SRGAP1: variants seen among roughly 807,000 people sequenced by gnomAD.
SRGAP1 encodes the protein SLIT-ROBO Rho GTPase activating protein 1.
A neutral mutation model predicts 121.9 loss-of-function variants in SRGAP1; 43 were observed. The observed-to-expected ratio is 0.35, with a 90% CI of 0.28 to 0.46. The LOEUF (loss-of-function observed/expected upper bound fraction) is 0.46. Among genes scored for constraint, SRGAP1 ranks in the 20% least tolerant of loss-of-function variants. The pLI, the probability that SRGAP1 is intolerant of heterozygous loss-of-function variation, is 1.00. For missense variants in SRGAP1, 1,102 were observed against 1,350.9 expected (o/e 0.82, Z 2.89); for synonymous variants, 447 against 485.4 (o/e 0.92, Z 1.04).
At chr12:64,128,235 T>C in intron 21 of SRGAP1, 35 bp downstream of exon 21, 1 of 1,545,450 alleles carries the variant, frequency 6.5e-7, no homozygotes, top group Non-Finnish European at 8.8e-7. Flanking sequence ...GCATTTTAAG[T>C]ACCTAAGTGT....
At chr12:64,090,093 A>G (rs1186047972) in intron 11 of SRGAP1, among the ~76,000 whole-genome samples, 1 of 152,200 alleles carries the variant, frequency 6.6e-6, no homozygotes, top group African/African-American at 2.4e-5. Flanking sequence ...ACATCCAGAG[A>G]CAGGTCTCAG....
rs531988567 is a variant in SRGAP1, at chr12:64,070,617, T to C, written c.1125+5398T>C. On this transcript the variant is annotated intron_variant, in intron 8 of 21. Transcript: ENST00000355086. The stretch of plus-strand genomic sequence containing the variant: ...GAATGAACAGATAGCTCCACGTAAA[T>C]TTTCCTAGCACCATTTAAAGTCTTT... 6.4e-4 allele frequency among the ~76,000 whole-genome samples: 97 copies of C among 152,320 alleles called. 1 individual carries two copies. Among genetic ancestry groups the C allele is most frequent in the Middle Eastern group, 6.8e-3 (2 of 294 alleles).
At chr12:63,975,685 T>C (rs1248715250) in intron 1 of SRGAP1, among the ~76,000 whole-genome samples, 1 of 152,140 alleles carries the variant, frequency 6.6e-6, no homozygotes, top group African/African-American at 2.4e-5. Flanking sequence ...TCAGTGACAC[T>C]TGCAGCTACA....
At position 63,958,731 on chromosome 12, in the gene SRGAP1, T is replaced by C. The variant is rs551871063; in HGVS notation, c.68-25216T>C. ...CAAGTGTTACTTTGAAAAAACAAAA[T>C]CCCAATGATGAATTGAAATTAAGTC... On this transcript the variant is annotated intron_variant, in intron 1 of 21. Coordinates refer to ENST00000355086, the MANE Select transcript of SRGAP1 (RefSeq NM_020762.4). Among the ~76,000 whole-genome samples the C allele has an allele frequency of 2.0e-5, 3 of 152,210 alleles. No homozygotes were observed. In the South Asian group the frequency reaches 6.2e-4, roughly 32 times the overall value.
At chr12:63,923,172 CT>C (rs1238662054) in intron 1 of SRGAP1, among the ~76,000 whole-genome samples, 1 of 152,200 alleles carries the variant, frequency 6.6e-6, no homozygotes, top group East Asian at 1.9e-4. Flanking sequence ...TTGTAATACC[CT>C]ACCAGCCTTT....
intron 1 of SRGAP1, among the ~76,000 whole-genome samples, chr12:63,923,567 A>G (rs1267182582): frequency 6.6e-6 from 1 of 152,242 alleles, no homozygotes; most frequent in African/African-American, 2.4e-5. Context: ...CTGTCTCTCT[A>G]ATCAAAATTA....
At chr12:63,868,056 ATTTT>A (rs1219689164) in intron 1 of SRGAP1, among the ~76,000 whole-genome samples, 1 of 57,862 alleles carries the variant, frequency 1.7e-5, no homozygotes, top group African/African-American at 5.9e-5. Context: ...ATATATATAT[ATTTT>A]TTTTTTTTTT....
chr12:63,849,753 A>G (rs745728478), intron 1 of SRGAP1, among the ~76,000 whole-genome samples: 1 of 152,114 alleles, frequency 6.6e-6, no homozygotes, highest in Non-Finnish European at 1.5e-5. Flanking sequence ...GACTTTTAAC[A>G]TTTTTTCTCC....
At chr12:64,095,321 T>C in intron 14 of SRGAP1, 117 bp downstream of exon 14, 1 of 792,116 alleles carries the variant, frequency 1.3e-6, no homozygotes, top group South Asian at 1.7e-5. Context: ...TGTACTGCAT[T>C]AGGGGTGCAG....
intron 1 of SRGAP1, among the ~76,000 whole-genome samples, chr12:63,885,436 G>A (rs1180317889): frequency 1.3e-5 from 2 of 152,170 alleles, no homozygotes; most frequent in Admixed American, 6.5e-5. Flanking sequence ...ATGTTCAGCT[G>A]TCCAGAAGCT....
At chr12:63,965,195 C>T (rs990370761) in intron 1 of SRGAP1, among the ~76,000 whole-genome samples, 2 of 152,154 alleles carry the variant, frequency 1.3e-5, no homozygotes, top group African/African-American at 4.8e-5. Flanking sequence ...GGTATTGATG[C>T]TCTGAAAATT....
chr12:63,913,656 G>A (rs2335882), intron 1 of SRGAP1, among the ~76,000 whole-genome samples: 58,779 of 150,616 alleles, frequency 0.39, 11,758 homozygotes, highest in East Asian at 0.58. Flanking sequence ...CTATGTGACA[G>A]CAGCATATAT....
rs2035517165 is a variant in SRGAP1 at position 64,065,227 on chromosome 12, T to A, written c.1125+8T>A. ...AAAATCGAGAATGAAGAGGTGAGCA[T>A]GCGTTCGTCCTGCCACACCAGTAAT... On this transcript the variant is annotated splice_region_variant and intron_variant, in intron 8 of 21. Coordinates refer to ENST00000355086, the MANE Select transcript of SRGAP1 (RefSeq NM_020762.4). 2 of 1,606,530 alleles carry A rather than the reference T, an allele frequency of 1.2e-6. No homozygotes were observed. Among genetic ancestry groups the A allele is most frequent in the Non-Finnish European group, 1.7e-6 (2 of 1,175,764 alleles).
intron 1 of SRGAP1, among the ~76,000 whole-genome samples, chr12:63,922,449 C>T (rs2031096376): frequency 6.6e-6 from 1 of 152,104 alleles, no homozygotes; most frequent in South Asian, 2.1e-4. Flanking sequence ...TTAGGGATGC[C>T]CTGGAGTCAA....
intron 17 of SRGAP1, among the ~76,000 whole-genome samples, chr12:64,113,387 G>A (rs1425666982): frequency 6.6e-6 from 1 of 152,046 alleles, no homozygotes; most frequent in Non-Finnish European, 1.5e-5. Context: ...CAGCCTGGGT[G>A]ACAGAGCAAG....
intron 1 of SRGAP1, among the ~76,000 whole-genome samples, chr12:63,880,638 G>T (rs1015210786): frequency 2.0e-5 from 3 of 152,108 alleles, no homozygotes; most frequent in African/African-American, 7.2e-5. Flanking sequence ...CTGACCTTGA[G>T]AGCCCAGATC....
chr12:63,919,075 C>T (rs577937976), intron 1 of SRGAP1, among the ~76,000 whole-genome samples: 10 of 152,020 alleles, frequency 6.6e-5, no homozygotes, highest in South Asian at 4.1e-4. Flanking sequence ...TTTTTAGAGA[C>T]AGGATCTTGC....
At chr12:64,115,671 G>A (rs1282801907) in intron 17 of SRGAP1, 143 bp from the exon 18 acceptor site, 9 of 590,566 alleles carry the variant, frequency 1.5e-5, no homozygotes, top group Non-Finnish European at 2.7e-5. Flanking sequence ...TGAGGTAGGA[G>A]GATCACTTGA....
At chr12:64,010,435 C>A (rs1442062892) in intron 3 of SRGAP1, among the ~76,000 whole-genome samples, 4 of 152,056 alleles carry the variant, frequency 2.6e-5, no homozygotes, top group African/African-American at 9.7e-5. Context: ...GGAATAGGGA[C>A]CCTGGCCAGG....
Sources: gnomAD v4.1 joint callset for allele counts (sites outside exome capture counted in the v4.1 genomes callset) on GRCh38, gnomAD v4.1.1 for gene constraint, MANE v1.5 for transcripts, NCBI Gene and HGNC (gene_info 2026-07-23, HGNC 2026-07-21) for gene names.